Variants in ADAMTS16 observed in about 807,000 individuals in gnomAD.
ADAMTS16 encodes A disintegrin and metalloproteinase with thrombospondin motifs 16.
ADAMTS16 carries 94 observed loss-of-function variants against 145.8 expected under a neutral mutation model. The ratio of observed to expected loss-of-function variants is 0.64; its 90% confidence interval spans 0.55 to 0.77. The LOEUF (loss-of-function observed/expected upper bound fraction) is 0.77. Among genes scored for constraint, ADAMTS16 ranks in the 30% least tolerant of loss-of-function variants. The pLI is 0.00. For missense variants in ADAMTS16, 1,585 were observed against 1,591.5 expected (o/e 1.00, Z 0.07); for synonymous variants, 659 against 604.3 (o/e 1.09, Z -1.33).
At chr5:5,271,410 C>CGCTCCTCCCTCACACGGAG (rs1471115528) in intron 18 of ADAMTS16, among the ~76,000 whole-genome samples, 2 of 152,242 alleles carry the variant, frequency 1.3e-5, no homozygotes, top group African/African-American at 4.8e-5. Context: ...CCGCTCCTCC[C>CGCTCCTCCCTCACACGGAG]GCTCCTCCCT....
At chr5:5,214,030 C>T (rs556260905) in intron 10 of ADAMTS16, among the ~76,000 whole-genome samples, 150 of 152,330 alleles carry the variant, frequency 9.8e-4, no homozygotes, top group South Asian at 1.9e-3. Flanking sequence ...TGCTATCATC[C>T]ACCTGGTATC....
intron 8 of ADAMTS16, among the ~76,000 whole-genome samples, chr5:5,192,259 C>T (rs544153628): frequency 3.6e-4 from 55 of 152,302 alleles, no homozygotes; most frequent in Non-Finnish European, 6.2e-4. Flanking sequence ...TTCTCCAACA[C>T]TCCTGTACAC....
At position 5,269,059 on chromosome 5, in the gene ADAMTS16, G is replaced by T. The variant is rs367832003; in HGVS notation, c.2789+6276G>T. Reference sequence around the variant, plus strand: ...ATACACACCTCACCTGTGACCTCTCGGTCCTTAACACCCCTCTCCAGACAG... The same window carrying T: ...ATACACACCTCACCTGTGACCTCTCTGTCCTTAACACCCCTCTCCAGACAG... On this transcript the variant is annotated intron_variant, in intron 18 of 22. Transcript: ENST00000274181. The surrounding 1 kb of genome is among the most constrained non-coding windows in gnomAD (Gnocchi z 4.3). Among the ~76,000 whole-genome samples, 1 of 152,052 alleles carries T rather than the reference G, an allele frequency of 6.6e-6. No individual in the cohort carries two copies. Among genetic ancestry groups the T allele is most frequent in the Non-Finnish European group, 1.5e-5 (1 of 67,998 alleles).
chr5:5,303,827 C>G lies in ADAMTS16; in HGVS notation c.3186+61C>G, dbSNP rs756525790. The G allele has an allele frequency of 1.9e-6, 3 of 1,558,286 alleles. No homozygotes were observed. The African/African-American group carries it at 4.1e-5, about 21-fold the overall frequency. On this transcript the variant is annotated intron_variant, in intron 20 of 22. Transcript: ENST00000274181. ...AGCTCTCCCCTCGGGACTGCCTCTT[C>G]TCTCCTGGTTTTTCTCTTCTCACTT...
chr5:5,200,712 T>C (rs1314465832), intron 9 of ADAMTS16, among the ~76,000 whole-genome samples: 1 of 152,138 alleles, frequency 6.6e-6, no homozygotes, highest in Non-Finnish European at 1.5e-5. Context: ...CTTTCTTTCT[T>C]TTTCTTCCTT....
At chr5:5,199,514 C>T (rs1446902656) in intron 8 of ADAMTS16, among the ~76,000 whole-genome samples, 1 of 152,188 alleles carries the variant, frequency 6.6e-6, no homozygotes, top group East Asian at 1.9e-4. Context: ...AGATTCAGGT[C>T]AAGCACAGCC....
At chr5:5,203,151 T>C (rs758907915) in intron 9 of ADAMTS16, among the ~76,000 whole-genome samples, 4 of 152,182 alleles carry the variant, frequency 2.6e-5, no homozygotes, top group African/African-American at 9.7e-5. Flanking sequence ...TATAAATAAA[T>C]AGGTAAGGTT....
rs1023766689 is a variant in ADAMTS16 at position 5,182,319 on chromosome 5, A to G, written c.763+14A>G. On this transcript the variant is annotated intron_variant, in intron 4 of 22. Transcript: ENST00000274181. The stretch of plus-strand genomic sequence containing the variant: ...GACGCAAGAAATGTATGTAAGGGCG[A>G]ATCTTTGTGTGTATTTAGTGATGCT... 1.2e-6 allele frequency: 2 copies of G among 1,602,406 alleles called. No individual in the cohort carries two copies. Among genetic ancestry groups the G allele is most frequent in the Admixed American group, 3.4e-5 (2 of 59,282 alleles).
intron 9 of ADAMTS16, among the ~76,000 whole-genome samples, chr5:5,206,381 C>A (rs113357535): frequency 9.2e-4 from 106 of 115,492 alleles, no homozygotes; most frequent in Non-Finnish European, 1.5e-3. Flanking sequence ...AGCCGAGATC[C>A]CGCCACTGCA....
intron 10 of ADAMTS16, among the ~76,000 whole-genome samples, chr5:5,209,461 C>A (rs1024882831): frequency 8.5e-5 from 13 of 152,060 alleles, no homozygotes; most frequent in African/African-American, 2.9e-4. Context: ...ATTTGAGAAC[C>A]GACTTGGCCT....
At chr5:5,174,976 G>C (rs1261951922) in intron 3 of ADAMTS16, among the ~76,000 whole-genome samples, 2 of 152,170 alleles carry the variant, frequency 1.3e-5, no homozygotes, top group African/African-American at 4.8e-5. Context: ...TGCCATCCAA[G>C]AGCCAAAGCC....
chr5:5,195,073 T>G (rs1017792317), intron 8 of ADAMTS16, among the ~76,000 whole-genome samples: 1 of 152,186 alleles, frequency 6.6e-6, no homozygotes, highest in Admixed American at 6.5e-5. Context: ...CAAAATATCA[T>G]GTAGTTTATG....
chr5:5,292,498 AAAT>A lies in ADAMTS16; in HGVS notation c.2790-10742_2790-10740del, dbSNP rs55690811. Among the ~76,000 whole-genome samples the A allele has an allele frequency of 1.1e-3, 160 of 146,798 alleles. No homozygotes were observed. The East Asian group carries it at 0.011, about 10-fold the overall frequency. On this transcript the variant is annotated intron_variant, in intron 18 of 22. Coordinates refer to ENST00000274181, the MANE Select transcript of ADAMTS16 (RefSeq NM_139056.4). ...GTGTGACAGAGTGGGACTCCAGCTC[AAAT>A]AATAATAATAATAATAATAATAATA...
At chr5:5,291,471 T>C (rs1739314045) in intron 18 of ADAMTS16, among the ~76,000 whole-genome samples, 1 of 152,188 alleles carries the variant, frequency 6.6e-6, no homozygotes, top group South Asian at 2.1e-4. Flanking sequence ...GAGCACTTCC[T>C]GTCTGCTAGT....
intron 10 of ADAMTS16, among the ~76,000 whole-genome samples, chr5:5,220,450 G>A (rs936673753): frequency 5.9e-5 from 9 of 152,008 alleles, no homozygotes; most frequent in Non-Finnish European, 1.0e-4. Context: ...GAGCCACCGC[G>A]CCCGGCCAAT....
rs757105827 is a variant in ADAMTS16, at chr5:5,318,182, C to T, written c.3460C>T (p.Leu1154=). The T allele has an allele frequency of 1.2e-5, 19 of 1,560,694 alleles. No homozygotes were observed. Among genetic ancestry groups the T allele is most frequent in the Middle Eastern group, 1.8e-4 (1 of 5,410 alleles). ...CGTTCAGACGAGGTCCGTGCAGTGC[C>T]TGGCTGGGGGCCGGCCGGCCTCAGG... ...GGVQTRSVQC[L]AGGRPASGCL... Residue 1154 remains leucine, a synonymous_variant, in exon 22 of 23, where the codon CTG becomes TTG. Transcript: ENST00000274181.
chr5:5,248,051 A>AGCACG (rs2126403350), intron 17 of ADAMTS16, among the ~76,000 whole-genome samples: 1 of 152,344 alleles, frequency 6.6e-6, no homozygotes, highest in African/African-American at 2.4e-5. Context: ...TATCTAGCAC[A>AGCACG]TGTGATAGAA....
At chr5:5,302,127 C>T (rs543269163) in intron 18 of ADAMTS16, among the ~76,000 whole-genome samples, 6 of 152,224 alleles carry the variant, frequency 3.9e-5, no homozygotes, top group Middle Eastern at 3.4e-3. Flanking sequence ...GGGTGCACAC[C>T]AAGCCCTCCT....
chr5:5,268,678 G>A (rs978276281), intron 18 of ADAMTS16, among the ~76,000 whole-genome samples: 1 of 152,130 alleles, frequency 6.6e-6, no homozygotes, highest in Non-Finnish European at 1.5e-5. Context: ...CAGGGATCCC[G>A]ACTGGACACT....
Sources: gnomAD v4.1 joint callset for allele counts (sites outside exome capture counted in the v4.1 genomes callset) on GRCh38, gnomAD v4.1.1 for gene constraint, Gnocchi (gnomAD v3.1) non-coding constraint, MANE v1.5 for transcripts, NCBI Gene and HGNC (gene_info 2026-07-23, HGNC 2026-07-21) for gene names.